Variants in UBE2L3 observed in about 807,000 individuals in gnomAD.
The protein encoded by UBE2L3 is ubiquitin-conjugating enzyme E2 L3.
In UBE2L3, 1 loss-of-function variant was observed where a neutral mutation model predicts 17.8. The ratio of observed to expected loss-of-function variants is 0.06; its 90% confidence interval spans 0.02 to 0.27. The LOEUF is 0.27. Among genes scored for constraint, UBE2L3 ranks in the 10% least tolerant of loss-of-function variants. The pLI, the probability that UBE2L3 is intolerant of heterozygous loss-of-function variation, is 1.00. For synonymous variants in UBE2L3, 44 were observed against 68.5 expected, an observed-to-expected ratio of 0.64 and a Z score of 1.76; for missense variants, 40 against 192.6, an observed-to-expected ratio of 0.21 and a Z score of 4.69.
At chr22:21,603,906 GATT>G (rs1929004731) in intron 2 of UBE2L3, among the ~76,000 whole-genome samples, 1 of 128,366 alleles carries the variant, frequency 7.8e-6, no homozygotes, top group East Asian at 2.4e-4. Flanking sequence ...GGTGTTTTTT[GATT>G]TTTTTTTTTT....
At chr22:21,557,201 TA>T (rs951528453) in intron 1 of UBE2L3, among the ~76,000 whole-genome samples, 8 of 152,214 alleles carry the variant, frequency 5.3e-5, no homozygotes, top group Non-Finnish European at 1.2e-4. Flanking sequence ...TGCATCTCTA[TA>T]AAAAAATTAC....
At chr22:21,558,765 C>T (rs1926329143) in intron 1 of UBE2L3, among the ~76,000 whole-genome samples, 1 of 151,956 alleles carries the variant, frequency 6.6e-6, no homozygotes, top group Non-Finnish European at 1.5e-5. Context: ...GCTGGGATTA[C>T]AGGCATGAGC....
intron 1 of UBE2L3, among the ~76,000 whole-genome samples, chr22:21,557,395 C>A (rs1370771735): frequency 6.6e-6 from 1 of 152,246 alleles, no homozygotes; most frequent in Non-Finnish European, 1.5e-5. Context: ...AAAACCCAAC[C>A]CCCCAAAATA....
chr22:21,597,774 G>GTTTTTTTTT (rs1568981113), intron 2 of UBE2L3, among the ~76,000 whole-genome samples: 1 of 73,534 alleles, frequency 1.4e-5, no homozygotes, highest in East Asian at 6.7e-4. Flanking sequence ...TTTATATGTA[G>GTTTTTTTTT]ATTTTTTTTT....
chr22:21,575,904 AG>A (rs746448095), intron 1 of UBE2L3, among the ~76,000 whole-genome samples: 15 of 151,798 alleles, frequency 9.9e-5, no homozygotes, highest in Non-Finnish European at 2.1e-4. Flanking sequence ...AGCCTCCCAA[AG>A]GATTACAGGC....
intron 2 of UBE2L3, among the ~76,000 whole-genome samples, chr22:21,600,350 A>G (rs1928788155): frequency 6.6e-6 from 1 of 151,886 alleles, no homozygotes; most frequent in African/African-American, 2.4e-5. Context: ...AAAAAAACTT[A>G]TTCCTACTAT....
chr22:21,610,594 G>T (rs1929426609), intron 2 of UBE2L3, among the ~76,000 whole-genome samples: 1 of 152,106 alleles, frequency 6.6e-6, no homozygotes, highest in Non-Finnish European at 1.5e-5. Context: ...TATACCTAAA[G>T]GTGTTCTAAA....
In UBE2L3 at chr22:21,592,852, A is replaced by T. The variant is rs1928336214; in HGVS notation, c.28-9A>T. ...ATTTGACACCCCTTTATGCTTTGTCAATCAACAGGAGCTTGAAGAAATCCG... is the reference window on the plus strand; with the variant it reads ...ATTTGACACCCCTTTATGCTTTGTCTATCAACAGGAGCTTGAAGAAATCCG... On this transcript the variant is annotated splice_polypyrimidine_tract_variant and intron_variant, in intron 1 of 3. Transcript: ENST00000342192. 1 of 1,610,358 alleles carries T rather than the reference A, an allele frequency of 6.2e-7. No individual in the cohort carries two copies. Among genetic ancestry groups the T allele is most frequent in the African/African-American group, 1.3e-5 (1 of 74,842 alleles).
intron 1 of UBE2L3, among the ~76,000 whole-genome samples, chr22:21,558,901 G>T (rs1280366370): frequency 6.6e-6 from 1 of 152,000 alleles, no homozygotes; most frequent in Non-Finnish European, 1.5e-5. Context: ...CAGGACTGAA[G>T]AAGACAGAGG....
At chr22:21,573,256 A>G (rs1927083853) in intron 1 of UBE2L3, among the ~76,000 whole-genome samples, 3 of 152,048 alleles carry the variant, frequency 2.0e-5, no homozygotes, top group African/African-American at 7.2e-5. Context: ...CTGGATTACA[A>G]GTGCACATTC....
Position 21,592,972 on chromosome 22 carries a change from T to C in UBE2L3, c.123+16T>C. On this transcript the variant is annotated intron_variant, in intron 2 of 3. Coordinates refer to ENST00000342192, the MANE Select transcript of UBE2L3 (RefSeq NM_003347.4). ...TATTGTTCCTGTGAGTATTGAACAC[T>C]TCCACTTCCTACCAGATTATTCTTT... The C allele has an allele frequency of 6.3e-7, 1 of 1,597,080 alleles. No individual in the cohort carries two copies. Among genetic ancestry groups the C allele is most frequent in the Non-Finnish European group, 8.6e-7 (1 of 1,164,556 alleles).
chr22:21,584,761 G>C (rs1038945838), intron 1 of UBE2L3, among the ~76,000 whole-genome samples: 1 of 151,054 alleles, frequency 6.6e-6, no homozygotes, highest in Non-Finnish European at 1.5e-5. Context: ...AGGAGTTGGA[G>C]ACCAGCCTGG....
At chr22:21,562,657 C>A (rs1456246216) in intron 1 of UBE2L3, among the ~76,000 whole-genome samples, 2 of 149,748 alleles carry the variant, frequency 1.3e-5, no homozygotes, top group Non-Finnish European at 3.0e-5. Flanking sequence ...AGGCGTGAGC[C>A]ACCACGCCTG....
intron 1 of UBE2L3, among the ~76,000 whole-genome samples, chr22:21,585,147 CT>C (rs1332149609): frequency 7.2e-5 from 11 of 152,136 alleles, no homozygotes; most frequent in African/African-American, 2.7e-4. Flanking sequence ...CTGAGCAGCC[CT>C]TATTTGATGT....
intron 1 of UBE2L3, among the ~76,000 whole-genome samples, chr22:21,585,048 G>A (rs191036832): frequency 4.2e-4 from 64 of 152,364 alleles, no homozygotes; most frequent in African/African-American, 1.4e-3. Context: ...TTTGAAGACA[G>A]ATGTATGTCA....
intron 1 of UBE2L3, among the ~76,000 whole-genome samples, chr22:21,562,664 C>A (rs535608559): frequency 1.4e-5 from 2 of 147,152 alleles, no homozygotes; most frequent in African/African-American, 2.5e-5. Flanking sequence ...AGCCACCACG[C>A]CTGGGCTTTT....
At chr22:21,565,879 C>T (rs1460586898), upstream of UBE2L3, among the ~76,000 whole-genome samples, 2 of 150,848 alleles carry the variant, frequency 1.3e-5, no homozygotes, top group Non-Finnish European at 3.0e-5. Flanking sequence ...CACCTCTTTG[C>T]CTGAATGATT....
chr22:21,576,531 C>T (rs113168186), intron 1 of UBE2L3, among the ~76,000 whole-genome samples: 12,119 of 151,952 alleles, frequency 0.08, 1,670 homozygotes, highest in African/African-American at 0.28. Context: ...ATCTCCTGAC[C>T]TTATGATCCT....
chr22:21,600,939 G>C (rs980523642), intron 2 of UBE2L3, among the ~76,000 whole-genome samples: 1 of 152,102 alleles, frequency 6.6e-6, no homozygotes, highest in Non-Finnish European at 1.5e-5. Flanking sequence ...TGGGGCTGAG[G>C]AGGGTGGATC....
Sources: gnomAD v4.1 joint callset for allele counts (sites outside exome capture counted in the v4.1 genomes callset) on GRCh38, gnomAD v4.1.1 for gene constraint, MANE v1.5 for transcripts, NCBI Gene and HGNC (gene_info 2026-07-23, HGNC 2026-07-21) for gene names.